Variants in EXOC4 observed in about 807,000 individuals in gnomAD.
EXOC4 encodes SEC8-like 1.
Under a neutral mutation model 107.2 loss-of-function variants are expected in EXOC4, and 71 were observed. The ratio of observed to expected loss-of-function variants is 0.66; its 90% CI spans 0.55 to 0.81. The LOEUF (loss-of-function observed/expected upper bound fraction) is 0.81. Among genes scored for constraint, EXOC4 ranks in the 30% least tolerant of loss-of-function variants. The pLI is 0.00. For missense variants in EXOC4, 1,108 were observed against 1,189.6 expected (o/e 0.93, Z 1.01); for synonymous variants, 456 against 441.2 (o/e 1.03, Z -0.42).
intron 7 of EXOC4, among the ~76,000 whole-genome samples, chr7:133,459,726 A>G (rs1218351860): frequency 1.3e-5 from 2 of 152,202 alleles, no homozygotes; most frequent in African/African-American, 2.4e-5. Flanking sequence ...ATGGATGTAT[A>G]TAATGCATTT....
chr7:133,688,139 G>A (rs1794345747), intron 10 of EXOC4, among the ~76,000 whole-genome samples: 1 of 152,140 alleles, frequency 6.6e-6, no homozygotes, highest in African/African-American at 2.4e-5. Context: ...ATGTCCCGAG[G>A]TCATTGTGTA....
At chr7:133,614,580 A>G (rs77687052) in intron 9 of EXOC4, among the ~76,000 whole-genome samples, 2,062 of 152,206 alleles carry the variant, frequency 0.014, 17 homozygotes, top group South Asian at 0.027. Flanking sequence ...GATCGTCAGC[A>G]TTATGTAAGA....
In EXOC4 at chr7:133,510,395, T is replaced by C. The variant is rs901718973; in HGVS notation, c.1417+30257T>C. 1.2e-4 allele frequency among the ~76,000 whole-genome samples: 18 copies of C among 152,216 alleles called. 1 individual carries two copies. The highest frequency in any genetic ancestry group is 4.3e-4 in the African/African-American group (18 of 41,464). On this transcript the variant is annotated intron_variant, in intron 9 of 17. Coordinates refer to ENST00000253861, the MANE Select transcript of EXOC4 (RefSeq NM_021807.4). ...TAATGGACATTGGGTTGCATCCACT[T>C]TTCAGCTATTGTGAATATGCTGCTG...
Position 133,839,998 on chromosome 7 carries a change from T to A in EXOC4, c.1734+22454T>A, listed in dbSNP as rs115419767. Among the ~76,000 whole-genome samples the A allele has an allele frequency of 2.4e-3, 364 of 152,324 alleles. 5 individuals carry two copies. The highest frequency in any genetic ancestry group is 8.2e-3 in the African/African-American group (340 of 41,572). On this transcript the variant is annotated intron_variant, in intron 11 of 17. Coordinates refer to ENST00000253861, the MANE Select transcript of EXOC4 (RefSeq NM_021807.4). ...ATCTGCCATGATCTACACATGTATA[T>A]GACACATTGGGAGTTCAGGAGACAG...
intron 7 of EXOC4, among the ~76,000 whole-genome samples, chr7:133,388,598 C>T (rs754969249): frequency 7.9e-5 from 12 of 151,926 alleles, no homozygotes; most frequent in African/African-American, 1.7e-4. Flanking sequence ...TGCAGTGAGC[C>T]GAGATTGTGC....
chr7:133,813,177 C>T (rs947692922), intron 10 of EXOC4, among the ~76,000 whole-genome samples: 2 of 152,070 alleles, frequency 1.3e-5, no homozygotes, highest in Admixed American at 6.6e-5. Flanking sequence ...CAGCCAAAAG[C>T]GATGGGGGCC....
At chr7:133,411,700 T>C (rs564014373) in intron 7 of EXOC4, among the ~76,000 whole-genome samples, 1 of 152,204 alleles carries the variant, frequency 6.6e-6, no homozygotes, top group South Asian at 2.1e-4. Flanking sequence ...CATCTAAACA[T>C]GTATTGACAT....
intron 9 of EXOC4, among the ~76,000 whole-genome samples, chr7:133,541,659 G>A (rs1411128547): frequency 2.0e-5 from 3 of 151,612 alleles, no homozygotes; most frequent in South Asian, 2.1e-4. Flanking sequence ...ACCACCATGC[G>A]TGGCTAATTT....
chr7:133,575,132 C>T (rs1334265351), intron 9 of EXOC4, among the ~76,000 whole-genome samples: 13 of 151,756 alleles, frequency 8.6e-5, no homozygotes, highest in South Asian at 2.1e-4. Flanking sequence ...CATTTTTTCT[C>T]GTCATTTCCT....
chr7:133,608,546 C>CTTTTTTT (rs1161155238), intron 9 of EXOC4, among the ~76,000 whole-genome samples: 5 of 85,006 alleles, frequency 5.9e-5, no homozygotes, highest in East Asian at 7.5e-4. Context: ...TGCTGTATTT[C>CTTTTTTT]TTTTTTTTTT....
rs544525147 is a variant in EXOC4 at position 133,344,874 on chromosome 7, A to G, written c.764-11456A>G. 2.0e-3 allele frequency among the ~76,000 whole-genome samples: 311 copies of G among 152,282 alleles called. 1 individual carries two copies. Among genetic ancestry groups the G allele is most frequent in the Non-Finnish European group, 3.0e-3 (204 of 68,020 alleles). On this transcript the variant is annotated intron_variant, in intron 5 of 17. Coordinates refer to ENST00000253861, the MANE Select transcript of EXOC4 (RefSeq NM_021807.4). ...TGTTTGCAATAAGGCCTTCTGGCAG[A>G]TCAGGGACAGAGGAGGAGCATGAGA... is the stretch of plus-strand genomic sequence containing the variant.
Position 133,865,164 on chromosome 7 carries a change from A to G in EXOC4, c.1735-30435A>G, listed in dbSNP as rs191343664. Among the ~76,000 whole-genome samples, 13 of 152,164 alleles carry G rather than the reference A, an allele frequency of 8.5e-5. No individual in the cohort carries two copies. The East Asian group carries it at 2.3e-3, about 27-fold the overall frequency. ...AGGGATGTTATCTTTCTCTAATTTT[A>G]TCAGATTTAAGGTGGATTCTAAGAT... On this transcript the variant is annotated intron_variant, in intron 11 of 17. Coordinates refer to ENST00000253861, the MANE Select transcript of EXOC4 (RefSeq NM_021807.4).
intron 14 of EXOC4, among the ~76,000 whole-genome samples, chr7:133,955,496 G>C (rs1015579963): frequency 1.3e-5 from 2 of 152,198 alleles, no homozygotes; most frequent in African/African-American, 4.8e-5. Flanking sequence ...GCTTCAGAGG[G>C]GAGGAAGTGT....
rs1189195154 is a variant in EXOC4 at position 133,839,709 on chromosome 7, C to A, written c.1734+22165C>A. Among the ~76,000 whole-genome samples, 7 of 152,310 alleles carry A rather than the reference C, an allele frequency of 4.6e-5. No homozygotes were observed. In the East Asian group the frequency reaches 1.4e-3, roughly 29 times the overall value. ...AGGTGCTTTATAGGAATATTAAAATCCAGAACCTCAGACCACTATGTTAGT... is the reference window on the plus strand; with the variant it reads ...AGGTGCTTTATAGGAATATTAAAATACAGAACCTCAGACCACTATGTTAGT... On this transcript the variant is annotated intron_variant, in intron 11 of 17. Transcript: ENST00000253861.
chr7:133,943,643 C>T (rs553392315), intron 14 of EXOC4, among the ~76,000 whole-genome samples: 7 of 152,076 alleles, frequency 4.6e-5, no homozygotes, highest in Admixed American at 1.3e-4. Flanking sequence ...TTATTTCTCC[C>T]GGCACCATCA....
intron 14 of EXOC4, among the ~76,000 whole-genome samples, chr7:133,975,620 G>C (rs1216847261): frequency 2.0e-5 from 3 of 152,046 alleles, no homozygotes; most frequent in Admixed American, 2.0e-4. Context: ...CTATCAAAGG[G>C]AGTGTAATTT....
rs138095065 is a variant in EXOC4 at position 133,456,968 on chromosome 7, T to C, written c.1183-18360T>C. On this transcript the variant is annotated intron_variant, in intron 7 of 17. Coordinates refer to ENST00000253861, the MANE Select transcript of EXOC4 (RefSeq NM_021807.4). ...GTAGTTCAATGGAATGGAAGACCAC[T>C]GAAGAACACTGAGAGCTCCTTCAGA... Among the ~76,000 whole-genome samples the C allele has an allele frequency of 4.2e-4, 64 of 152,352 alleles. 1 individual carries two copies. The highest frequency in any genetic ancestry group is 1.5e-3 in the African/African-American group (64 of 41,576).
intron 15 of EXOC4, among the ~76,000 whole-genome samples, chr7:134,000,850 G>T (rs895322808): frequency 6.6e-6 from 1 of 152,120 alleles, no homozygotes; most frequent in African/African-American, 2.4e-5. Context: ...AAAAAGTAAT[G>T]GGATATGCTA....
chr7:133,357,443 C>A lies in EXOC4; in HGVS notation c.1007+870C>A, dbSNP rs1003504028. Among the ~76,000 whole-genome samples, 6 of 152,274 alleles carry A rather than the reference C, an allele frequency of 3.9e-5. No individual in the cohort carries two copies. In the South Asian group the frequency reaches 6.2e-4, roughly 16 times the overall value. Reference sequence around the variant, plus strand: ...AATGTGTAATGATATTTCCAATAGACAAATCAGTCTCAGGAATTTTTAAAA... The same window carrying A: ...AATGTGTAATGATATTTCCAATAGAAAAATCAGTCTCAGGAATTTTTAAAA... On this transcript the variant is annotated intron_variant, in intron 6 of 17. Transcript: ENST00000253861.
Sources: gnomAD v4.1 joint callset for allele counts (sites outside exome capture counted in the v4.1 genomes callset) on GRCh38, gnomAD v4.1.1 for gene constraint, MANE v1.5 for transcripts, NCBI Gene and HGNC (gene_info 2026-07-23, HGNC 2026-07-21) for gene names.